The following MAD1L1 variants were observed in gnomAD, a reference collection of about 807,000 sequenced individuals.
The protein encoded by MAD1L1 is mitotic arrest deficient 1 like 1, also known as mitotic spindle assembly checkpoint protein MAD1.
In MAD1L1, 95 loss-of-function variants were observed where a neutral mutation model predicts 96.9. The observed-to-expected ratio is 0.98, with a 90% CI of 0.83 to 1.16. The LOEUF is 1.16. Ranked by LOEUF, MAD1L1 falls within the 50% of genes most tolerant of loss-of-function variation. The pLI is 0.00. For synonymous variants in MAD1L1, 473 were observed against 396.6 expected (o/e 1.19, Z -2.29); for missense variants, 1,007 against 954.4 (o/e 1.06, Z -0.73).
At chr7:2,001,847 C>T (rs534345702) in intron 14 of MAD1L1, among the ~76,000 whole-genome samples, 4 of 152,328 alleles carry the variant, frequency 2.6e-5, no homozygotes, top group Non-Finnish European at 4.4e-5. Flanking sequence ...TGGTGGGGCC[C>T]GAGGGGCTGT....
Position 2,069,769 on chromosome 7 carries a change from G to A in MAD1L1, c.1074-431C>T, listed in dbSNP as rs1489768876. Among the ~76,000 whole-genome samples the A allele has an allele frequency of 3.9e-5, 6 of 152,370 alleles. No homozygotes were observed. The East Asian group carries it at 1.2e-3, about 29-fold the overall frequency. ...AACATTCTGTGAGGTTGAAAGCCCA[G>A]CCTGGCGCTAAGCACTGGGAACCCG... On this transcript the variant is annotated intron_variant, in intron 11 of 18. Transcript: ENST00000265854.
chr7:1,821,683 AATGAT>A (rs1782133413), intron 18 of MAD1L1, among the ~76,000 whole-genome samples: 2 of 152,210 alleles, frequency 1.3e-5, no homozygotes, highest in Admixed American at 1.3e-4. Flanking sequence ...AAAGGAAGAC[AATGAT>A]ATGATCCTAT....
intron 10 of MAD1L1, among the ~76,000 whole-genome samples, chr7:2,178,345 G>A (rs1326378518): frequency 6.6e-6 from 1 of 152,162 alleles, no homozygotes; most frequent in Non-Finnish European, 1.5e-5. Flanking sequence ...CGTACAACCA[G>A]TGCCTTACCT....
At chr7:2,125,829 T>C (rs985030896) in intron 11 of MAD1L1, among the ~76,000 whole-genome samples, 3 of 152,218 alleles carry the variant, frequency 2.0e-5, no homozygotes, top group Admixed American at 2.0e-4. Flanking sequence ...ACTCCTGACA[T>C]TTGTCCCGCT....
intron 16 of MAD1L1, among the ~76,000 whole-genome samples, chr7:1,952,961 AGCCCACC>A (rs1779568202): frequency 6.6e-6 from 1 of 152,190 alleles, no homozygotes; most frequent in African/African-American, 2.4e-5. Context: ...ACACGACCCC[AGCCCACC>A]ACACCTGGGC....
intron 18 of MAD1L1, among the ~76,000 whole-genome samples, chr7:1,884,499 G>A (rs946072106): frequency 6.6e-6 from 1 of 152,220 alleles, no homozygotes; most frequent in Non-Finnish European, 1.5e-5. Flanking sequence ...CCACCACATG[G>A]AGGCCCTGAG....
intron 15 of MAD1L1, among the ~76,000 whole-genome samples, chr7:1,962,932 G>A (rs1359343722): frequency 4.6e-5 from 7 of 152,174 alleles, no homozygotes; most frequent in African/African-American, 9.7e-5. Context: ...GGGCAACAGA[G>A]CAAGACCCTG....
intron 17 of MAD1L1, among the ~76,000 whole-genome samples, chr7:1,933,552 G>A (rs1418527588): frequency 6.6e-6 from 1 of 152,244 alleles, no homozygotes; most frequent in Admixed American, 6.5e-5. Context: ...GAGCATCCGC[G>A]TGGTCTGTAG....
intron 17 of MAD1L1, among the ~76,000 whole-genome samples, chr7:1,928,314 G>A (rs986735186): frequency 2.1e-5 from 3 of 145,676 alleles, no homozygotes. Context: ...TGCTCCCGAC[G>A]ACCCGCCGGT....
intron 15 of MAD1L1, among the ~76,000 whole-genome samples, chr7:1,965,052 T>C (rs1343744548): frequency 1.3e-5 from 2 of 152,256 alleles, no homozygotes; most frequent in African/African-American, 4.8e-5. Context: ...TTTACTTCTC[T>C]GTCCCCTTCA....
At position 1,957,854 on chromosome 7, in the gene MAD1L1, A is replaced by C. The variant is rs189523021; in HGVS notation, c.1506-135T>G. ...TTTATTTCTAAATACATATCTGTGA[A>C]GCTCTCAGAGTCCAGCGATAACATC... On this transcript the variant is annotated intron_variant, in intron 15 of 18. Coordinates refer to ENST00000265854, the MANE Select transcript of MAD1L1 (RefSeq NM_001013836.2). 1.5e-4 allele frequency: 105 copies of C among 704,050 alleles called. No individual in the cohort carries two copies. The African/African-American group carries it at 1.6e-3, about 10-fold the overall frequency. 43.6% of individuals were successfully genotyped at this position (704,050 alleles called of 1,614,324 possible).
chr7:1,833,639 A>G (rs1782811033), intron 18 of MAD1L1, among the ~76,000 whole-genome samples: 1 of 152,240 alleles, frequency 6.6e-6, no homozygotes, highest in South Asian at 2.1e-4. Flanking sequence ...ATGGACCTTA[A>G]AACAAATTTC....
At chr7:1,998,041 C>T (rs887532308) in intron 14 of MAD1L1, among the ~76,000 whole-genome samples, 3 of 152,126 alleles carry the variant, frequency 2.0e-5, no homozygotes, top group African/African-American at 7.2e-5. Context: ...AACGGTGCTG[C>T]GTACGATGAA....
At chr7:1,923,604 G>C (rs565015235) in intron 17 of MAD1L1, among the ~76,000 whole-genome samples, 1 of 152,396 alleles carries the variant, frequency 6.6e-6, no homozygotes, top group African/African-American at 2.4e-5. Context: ...AGGGTGCGTG[G>C]GGCATGTCCT....
chr7:1,858,782 C>T (rs1784381236), intron 18 of MAD1L1, among the ~76,000 whole-genome samples: 1 of 152,216 alleles, frequency 6.6e-6, no homozygotes, highest in South Asian at 2.1e-4. Flanking sequence ...GGGCAAGGGG[C>T]CCCCAGCTGG....
intron 13 of MAD1L1, among the ~76,000 whole-genome samples, chr7:2,002,834 G>A (rs763977280): frequency 1.3e-5 from 2 of 152,212 alleles, no homozygotes; most frequent in Non-Finnish European, 2.9e-5. Context: ...GACCTGCACG[G>A]TGCATGGGGC....
intron 11 of MAD1L1, among the ~76,000 whole-genome samples, chr7:2,110,332 A>G (rs10224497): frequency 0.41 from 62,562 of 152,116 alleles, 13,387 homozygotes; most frequent in East Asian, 0.61. Context: ...AGGCACAACC[A>G]AGCGAGCAGC....
intron 13 of MAD1L1, among the ~76,000 whole-genome samples, chr7:2,013,417 C>A (rs1445249398): frequency 4.6e-5 from 7 of 152,280 alleles, no homozygotes. Context: ...TGCTCGCAGA[C>A]ACCACAGGCC....
chr7:2,052,676 G>A (rs192209894), intron 12 of MAD1L1, among the ~76,000 whole-genome samples: 143 of 152,298 alleles, frequency 9.4e-4, no homozygotes, highest in African/African-American at 3.3e-3. Flanking sequence ...AAATATGCAC[G>A]TATCAGTGTG....
Sources: allele counts gnomAD v4.1 joint callset (sites outside exome capture counted in the v4.1 genomes callset), GRCh38; gene constraint gnomAD v4.1.1; transcripts MANE v1.5; gene names NCBI Gene and HGNC (gene_info 2026-07-23, HGNC 2026-07-21).